The following WDR72 variants were observed in gnomAD, a reference collection of about 807,000 sequenced individuals.
The protein encoded by WDR72 is WD repeat-containing protein 72.
In WDR72, 120 loss-of-function variants were observed where a neutral mutation model predicts 124.2. The observed-to-expected ratio is 0.97, with a 90% CI of 0.83 to 1.12. The LOEUF (loss-of-function observed/expected upper bound fraction) is 1.12, where lower values mean the gene tolerates loss of function less well. Among genes scored for constraint, WDR72 ranks in the 50% most tolerant of loss-of-function variants. The pLI is 0.00. For synonymous variants in WDR72, 452 were observed against 441.7 expected, an observed-to-expected ratio of 1.02 and a Z score of -0.29; for missense variants, 1,387 against 1,278.8, an observed-to-expected ratio of 1.08 and a Z score of -1.29.
chr15:53,639,480 T>TTATATAATTTTATTTATTTATAAAATTA (rs1260290439), intron 14 of WDR72, among the ~76,000 whole-genome samples: 23,185 of 70,358 alleles, frequency 0.33, 7,955 homozygotes, highest in Non-Finnish European at 0.5. Flanking sequence ...AAATAAAATT[T>TTATATAATTTTATTTATTTATAAAATTA]TATATAATTT....
intron 1 of WDR72, among the ~76,000 whole-genome samples, chr15:53,740,256 T>C (rs1057358072): frequency 6.6e-6 from 1 of 152,030 alleles, no homozygotes; most frequent in African/African-American, 2.4e-5. Flanking sequence ...GCATATTGCC[T>C]ATCCCATAGC....
intron 18 of WDR72, among the ~76,000 whole-genome samples, chr15:53,543,547 G>C (rs1893270670): frequency 6.7e-6 from 1 of 150,302 alleles, no homozygotes; most frequent in South Asian, 2.2e-4. Context: ...AAGCAGGAAA[G>C]ATCCAAAATT....
Position 53,570,930 on chromosome 15 carries a change from C to G in WDR72, c.3148+26149G>C, listed in dbSNP as rs186984026. Among the ~76,000 whole-genome samples the G allele has an allele frequency of 4.6e-4, 70 of 152,216 alleles. 2 individuals are homozygous for G. The highest frequency in any genetic ancestry group is 4.1e-3 in the Admixed American group (63 of 15,280). Reference sequence around the variant, plus strand: ...AAGAATGAAATCTTGTCCTTTGCAGCGACATGGATGCAGCTGGAGGCTATT... The same window carrying G: ...AAGAATGAAATCTTGTCCTTTGCAGGGACATGGATGCAGCTGGAGGCTATT... On this transcript the variant is annotated intron_variant, in intron 18 of 19. Coordinates refer to ENST00000360509, the MANE Select transcript of WDR72 (RefSeq NM_182758.4).
intron 16 of WDR72, among the ~76,000 whole-genome samples, chr15:53,613,458 C>T (rs1199367704): frequency 6.6e-6 from 1 of 151,964 alleles, no homozygotes; most frequent in Non-Finnish European, 1.5e-5. Context: ...ATGTCACCCA[C>T]CTTATTTTCT....
chr15:53,762,100 T>C, upstream of WDR72, among the ~76,000 whole-genome samples: 1 of 152,152 alleles, frequency 6.6e-6, no homozygotes. Context: ...CTAATACTCC[T>C]GGAAGCAGGT....
chr15:53,733,245 A>G, intron 1 of WDR72, 84 bp from the exon 2 acceptor site: 5 of 1,447,104 alleles, frequency 3.5e-6, no homozygotes, highest in Non-Finnish European at 4.8e-6. Flanking sequence ...CAGATTTATG[A>G]TGACCAAACT....
At chr15:53,717,146 AAC>A (rs1036603655) in intron 3 of WDR72, among the ~76,000 whole-genome samples, 1 of 152,182 alleles carries the variant, frequency 6.6e-6, no homozygotes, top group African/African-American at 2.4e-5. Flanking sequence ...TATCATCGAT[AAC>A]AGTTTATCTC....
At chr15:53,760,749 A>G (rs959665290), upstream of WDR72, among the ~76,000 whole-genome samples, 7 of 152,184 alleles carry the variant, frequency 4.6e-5, no homozygotes, top group African/African-American at 1.4e-4. Context: ...TTTTTTGAGA[A>G]AGCTCCAAAT....
At chr15:53,718,799 AT>A (rs1567047011) in intron 3 of WDR72, among the ~76,000 whole-genome samples, 1 of 136,026 alleles carries the variant, frequency 7.4e-6, no homozygotes, top group Non-Finnish European at 1.5e-5. Flanking sequence ...ATTTTTAAAA[AT>A]TTTAAAAACC....
chr15:53,623,743 A>C (rs569528152), intron 14 of WDR72, among the ~76,000 whole-genome samples: 4 of 152,172 alleles, frequency 2.6e-5, no homozygotes, highest in Non-Finnish European at 5.9e-5. Flanking sequence ...CAGTAGGTGA[A>C]CTAATTTACA....
intron 3 of WDR72, among the ~76,000 whole-genome samples, chr15:53,720,917 G>A (rs2017859434): frequency 1.3e-5 from 2 of 152,060 alleles, no homozygotes; most frequent in Admixed American, 1.3e-4. Context: ...GTCCCCTCTG[G>A]TCACCATAAA....
At chr15:53,518,710 T>G (rs916849976) in intron 19 of WDR72, among the ~76,000 whole-genome samples, 3 of 151,636 alleles carry the variant, frequency 2.0e-5, no homozygotes, top group African/African-American at 4.8e-5. Context: ...CCTGAATCTG[T>G]CCTACTTTCT....
intron 13 of WDR72, among the ~76,000 whole-genome samples, chr15:53,679,721 G>C (rs141746384): frequency 6.6e-6 from 1 of 152,172 alleles, no homozygotes; most frequent in African/African-American, 2.4e-5. Flanking sequence ...ATAGAGTGGA[G>C]ATGGCATTTT....
At chr15:53,587,533 T>G (rs970335823) in intron 18 of WDR72, among the ~76,000 whole-genome samples, 1 of 152,024 alleles carries the variant, frequency 6.6e-6, no homozygotes, top group Non-Finnish European at 1.5e-5. Context: ...TACCATTTAT[T>G]TTTCCTTTAA....
chr15:53,598,779 G>A (rs1284650123), intron 17 of WDR72, among the ~76,000 whole-genome samples: 1 of 152,088 alleles, frequency 6.6e-6, no homozygotes, highest in African/African-American at 2.4e-5. Flanking sequence ...CTGCCTAATC[G>A]CAATGCAAGT....
At chr15:53,579,639 G>A (rs1223504897) in intron 18 of WDR72, among the ~76,000 whole-genome samples, 1 of 152,054 alleles carries the variant, frequency 6.6e-6, no homozygotes, top group East Asian at 1.9e-4. Context: ...CTAGCTGTGT[G>A]ACTTTAAACA....
rs200640430 is a variant in WDR72, at chr15:53,702,322, G to A, written c.1381C>T (p.His461Tyr). 3.1e-6 allele frequency: 5 copies of A among 1,613,908 alleles called. No individual in the cohort carries two copies. In the Admixed American group the frequency reaches 5.0e-5, roughly 16 times the overall value. ...SPPHKVLKGH[H>Y]QSVTSLLYPH... Reference sequence around the variant, plus strand: ...TAGAGTAATGAAGTGACACTTTGGTGGTGGCCTTTAAGAACTTTATGAGGG... The same window carrying A: ...TAGAGTAATGAAGTGACACTTTGGTAGTGGCCTTTAAGAACTTTATGAGGG... Residue 461 changes from histidine (H) to tyrosine (Y), a missense_variant, in exon 12 of 20, where the codon CAC becomes TAC. Transcript: ENST00000360509.
intron 14 of WDR72, among the ~76,000 whole-genome samples, chr15:53,641,898 A>T (rs1320115851): frequency 6.6e-6 from 1 of 151,882 alleles, no homozygotes; most frequent in Non-Finnish European, 1.5e-5. Context: ...CTATTACTCT[A>T]TTTGAATAAA....
rs181802209 is a variant in WDR72 at position 53,577,401 on chromosome 15, T to C, written c.3148+19678A>G. ...GAAAATAATGTCTTGGACCCCATTA[T>C]CTCAGTCAATCAAAGACAAGACTTC... On this transcript the variant is annotated intron_variant, in intron 18 of 19. Transcript: ENST00000360509. Among the ~76,000 whole-genome samples, 34 of 152,264 alleles carry C rather than the reference T, an allele frequency of 2.2e-4. No individual in the cohort carries two copies. The East Asian group carries it at 5.2e-3, about 23-fold the overall frequency.
Sources: gnomAD v4.1 joint callset for allele counts (sites outside exome capture counted in the v4.1 genomes callset) on GRCh38, gnomAD v4.1.1 for gene constraint, MANE v1.5 for transcripts, NCBI Gene and HGNC (gene_info 2026-07-23, HGNC 2026-07-21) for gene names.